The following FGF9 variants were observed in gnomAD, a reference collection of about 807,000 sequenced individuals.
The protein encoded by FGF9 is fibroblast growth factor 9.
FGF9 carries 3 observed loss-of-function variants against 19.9 expected under a neutral mutation model. The ratio of observed to expected loss-of-function variants is 0.15; its 90% CI spans 0.07 to 0.39. The LOEUF is 0.39. Among genes scored for constraint, FGF9 ranks in the 10% least tolerant of loss-of-function variants. The probability of loss-of-function intolerance (pLI) is 1.00; values close to 1 mark genes in which losing one functional copy is unlikely to be tolerated. For missense variants in FGF9, 175 were observed against 256.8 expected, an observed-to-expected ratio of 0.68 and a Z score of 2.18; for synonymous variants, 107 against 106.9, an observed-to-expected ratio of 1.00 and a Z score of -0.01.
intron 2 of FGF9, among the ~76,000 whole-genome samples, chr13:21,692,536 G>A (rs979112551): frequency 1.3e-5 from 2 of 152,180 alleles, no homozygotes; most frequent in Non-Finnish European, 2.9e-5. Context: ...GCCATGGGCC[G>A]TCTTCTCACT....
At chr13:21,695,079 T>TGC (rs1460033423) in intron 2 of FGF9, among the ~76,000 whole-genome samples, 19 of 144,670 alleles carry the variant, frequency 1.3e-4, no homozygotes, top group Non-Finnish European at 1.9e-4. Context: ...CGTGTGTGTG[T>TGC]GTGCGTGTGT....
chr13:21,692,486 A>C (rs1872315140), intron 2 of FGF9, among the ~76,000 whole-genome samples: 1 of 152,204 alleles, frequency 6.6e-6, no homozygotes, highest in Admixed American at 6.5e-5. Flanking sequence ...GTGGAAGCAC[A>C]GGCCCCGGGA....
At chr13:21,679,578 A>T (rs1871990491) in intron 1 of FGF9, among the ~76,000 whole-genome samples, 2 of 152,116 alleles carry the variant, frequency 1.3e-5, no homozygotes, top group African/African-American at 4.8e-5. Flanking sequence ...CATTAATGTA[A>T]GGTCTACATA....
rs1259764629 is a variant in FGF9 at position 21,671,225 on chromosome 13, T to C, written c.-688T>C. Among the ~76,000 whole-genome samples, 1 of 152,226 alleles carries C rather than the reference T, an allele frequency of 6.6e-6. No homozygotes were observed. The highest frequency in any genetic ancestry group is 1.5e-5 in the Non-Finnish European group (1 of 68,022). On this transcript the variant is annotated 5_prime_UTR_variant, in exon 1 of 3. Transcript: ENST00000382353. ...TCCTCGCTCGCCGCTCGCCACCCGT[T>C]CTAAGCCAATGGACATCTGCCGAGC...
At position 21,701,637 on chromosome 13, in the gene FGF9, C is replaced by A; in HGVS notation, c.*202C>A. On this transcript the variant is annotated 3_prime_UTR_variant, in exon 3 of 3. Transcript: ENST00000382353. ...AAAGGCTTCTCCTCCTGGAGGGCTG[C>A]CTAGGGCCACTTGCTTGATTTATCA... 1 of 621,020 alleles carries A rather than the reference C, an allele frequency of 1.6e-6. No homozygotes were observed. Among genetic ancestry groups the A allele is most frequent in the South Asian group, 1.9e-5 (1 of 52,732 alleles). 38.5% of individuals were successfully genotyped at this position (621,020 alleles called of 1,614,324 possible).
chr13:21,685,170 T>G (rs543756829), intron 2 of FGF9, among the ~76,000 whole-genome samples: 2 of 152,234 alleles, frequency 1.3e-5, no homozygotes, highest in Non-Finnish European at 2.9e-5. Context: ...TGAAGTTGCA[T>G]GAAGCTCAGT....
rs201876493 is a variant in FGF9, at chr13:21,701,324, G to T, written c.516G>T (p.Pro172=). ...YYVALNKDGT[P]REGTRTKRHQ... ...TTGCATTAAATAAAGATGGGACCCC[G>T]AGAGAAGGGACTAGGACTAAACGGC... is the stretch of plus-strand genomic sequence containing the variant. The change falls in exon 3 of 3, where the codon CCG becomes CCT. Residue 172 remains proline, a synonymous_variant. Transcript: ENST00000382353. 8.1e-5 allele frequency: 130 copies of T among 1,613,992 alleles called. 1 individual carries two copies. The East Asian group carries it at 1.8e-3, about 22-fold the overall frequency.
chr13:21,701,016 AAATTTT>A (rs1368930026), intron 2 of FGF9, among the ~76,000 whole-genome samples, 168 bp from the exon 3 acceptor site: 1 of 152,198 alleles, frequency 6.6e-6, no homozygotes, highest in Non-Finnish European at 1.5e-5. Context: ...CCTTTTTAAA[AAATTTT>A]AATTTTAATT....
In FGF9 at chr13:21,681,297, T is replaced by C. The variant is rs988392044; in HGVS notation, c.381+152T>C. On this transcript the variant is annotated intron_variant, in intron 2 of 2. Coordinates refer to ENST00000382353, the MANE Select transcript of FGF9 (RefSeq NM_002010.3). The stretch of plus-strand genomic sequence containing the variant: ...TTTTTGAGGAAAGCCATTTTATTTT[T>C]ATTAATAGATAAACAGCTCTGCACC... 82 of 625,568 alleles carry C rather than the reference T, an allele frequency of 1.3e-4. 6 individuals are homozygous for C. Among genetic ancestry groups the C allele is most frequent in the Non-Finnish European group, 1.2e-5 (4 of 347,560 alleles). 38.8% of individuals were successfully genotyped at this position (625,568 alleles called of 1,614,324 possible).
Position 21,691,680 on chromosome 13 carries a change from G to C in FGF9, c.382-9510G>C, listed in dbSNP as rs1303199780. ...CTTACAAAGTGGAGTGGGAACCACT[G>C]TCCTGGGCCAGCTTTGGCAGTGGCC... On this transcript the variant is annotated intron_variant, in intron 2 of 2. Coordinates refer to ENST00000382353, the MANE Select transcript of FGF9 (RefSeq NM_002010.3). This position sits in a 1 kb window ranked among gnomAD's most constrained non-coding sequence, Gnocchi z 4.2. Among the ~76,000 whole-genome samples, 1 of 152,234 alleles carries C rather than the reference G, an allele frequency of 6.6e-6. No individual in the cohort carries two copies. Among genetic ancestry groups the C allele is most frequent in the Non-Finnish European group, 1.5e-5 (1 of 68,042 alleles).
Position 21,701,538 on chromosome 13 carries a change from G to A in FGF9, c.*103G>A. The A allele has an allele frequency of 1.3e-6, 2 of 1,517,700 alleles. No homozygotes were observed. The highest frequency in any genetic ancestry group is 1.8e-6 in the Non-Finnish European group (2 of 1,095,096). The allele number at this position is 1,517,700 out of a possible 1,614,324, so 94.0% of individuals were successfully genotyped here. A position where few individuals can be genotyped will look rare whatever the true frequency, so the allele number is the denominator to read the frequency against. On this transcript the variant is annotated 3_prime_UTR_variant, in exon 3 of 3. Coordinates refer to ENST00000382353, the MANE Select transcript of FGF9 (RefSeq NM_002010.3). ...GCTGTGTCATCACATCAGCTCCACT[G>A]TTGCCAAACTTTGTCGCATGCATAA...
chr13:21,699,046 A>G (rs1308310050), intron 2 of FGF9, among the ~76,000 whole-genome samples: 1 of 152,232 alleles, frequency 6.6e-6, no homozygotes. Context: ...ACACACTTAA[A>G]CTTCTATCCG....
rs146516968 is a variant in FGF9, at chr13:21,692,791, G to A, written c.382-8399G>A. ...AATTAAGACCCATGACACAGCCTCC[G>A]AAGATAAATAAAAAATTTCCTCCAG... On this transcript the variant is annotated intron_variant, in intron 2 of 2. Transcript: ENST00000382353. 8.9e-3 allele frequency among the ~76,000 whole-genome samples: 1,357 copies of A among 152,150 alleles called. 18 individuals are homozygous for A. The highest frequency in any genetic ancestry group is 0.029 in the African/African-American group (1,185 of 41,496).
intron 2 of FGF9, among the ~76,000 whole-genome samples, chr13:21,700,654 T>C (rs1158547031): frequency 6.6e-6 from 1 of 152,264 alleles, no homozygotes; most frequent in Non-Finnish European, 1.5e-5. Flanking sequence ...CTGTTATATC[T>C]GAGCCTTGCC....
At position 21,704,485 on chromosome 13, in the gene FGF9, C is replaced by T. The variant is rs1166248693; in HGVS notation, c.*3050C>T. On this transcript the variant is annotated 3_prime_UTR_variant, in exon 3 of 3. Coordinates refer to ENST00000382353, the MANE Select transcript of FGF9 (RefSeq NM_002010.3). ...TGTAATTTGTGTAAATACATAATTA[C>T]AGAGTTTTGAAAACTGGTATTTTTT... The T allele has an allele frequency of 6.6e-6, 1 of 152,118 alleles. No individual in the cohort carries two copies. The highest frequency in any genetic ancestry group is 1.5e-5 in the Non-Finnish European group (1 of 68,036). 9.4% of individuals were successfully genotyped at this position (152,118 alleles called of 1,614,324 possible).
chr13:21,684,751 G>A (rs1325239361), intron 2 of FGF9, among the ~76,000 whole-genome samples: 1 of 152,218 alleles, frequency 6.6e-6, no homozygotes, highest in African/African-American at 2.4e-5. Context: ...TCCCAGTCTG[G>A]ATGGATCCCA....
intron 1 of FGF9, among the ~76,000 whole-genome samples, chr13:21,679,804 T>A (rs777775861): frequency 0.028 from 3,930 of 140,078 alleles, 72 homozygotes; most frequent in Non-Finnish European, 0.04. Context: ...AAAAAAAAAA[T>A]TTAGCCCAGC....
rs189606529 is a variant in FGF9, at chr13:21,672,287, C to T, written c.277+98C>T. 2.5e-6 allele frequency: 3 copies of T among 1,217,754 alleles called. No individual in the cohort carries two copies. The African/African-American group carries it at 4.5e-5, about 18-fold the overall frequency. The allele number at this position is 1,217,754 out of a possible 1,614,324, so 75.4% of individuals were successfully genotyped here. On this transcript the variant is annotated intron_variant, in intron 1 of 2. Transcript: ENST00000382353. The surrounding 1 kb of genome is among the most constrained non-coding windows in gnomAD (Gnocchi z 4.2). ...CCGGGTGGGGGACGTGGGAAGGGTT[C>T]TCCCCTCCTCCCCTCTTTCTCTGTA...
intron 2 of FGF9, among the ~76,000 whole-genome samples, chr13:21,697,833 GTCTC>G: frequency 6.7e-6 from 1 of 148,242 alleles, no homozygotes; most frequent in Non-Finnish European, 1.5e-5. Flanking sequence ...TTGAGACGGA[GTCTC>G]TCTCTGTCGC....
Sources: gnomAD v4.1 joint callset for allele counts (sites outside exome capture counted in the v4.1 genomes callset) on GRCh38, gnomAD v4.1.1 for gene constraint, Gnocchi (gnomAD v3.1) non-coding constraint, MANE v1.5 for transcripts, NCBI Gene and HGNC (gene_info 2026-07-23, HGNC 2026-07-21) for gene names.